Variants in ABCD4 observed in about 807,000 individuals in gnomAD.
The protein encoded by ABCD4 is ATP binding cassette subfamily D member 4.
ABCD4 carries 53 observed loss-of-function variants against 86.3 expected under a neutral mutation model. The observed-to-expected ratio is 0.61, with a 90% confidence interval of 0.49 to 0.77. The LOEUF is 0.77. Ranked by LOEUF, ABCD4 falls within the 30% of genes least tolerant of loss-of-function variation. ABCD4 has a pLI of 0.00. For missense variants in ABCD4, 757 were observed against 764.5 expected, an observed-to-expected ratio of 0.99 and a Z score of 0.12; for synonymous variants, 328 against 313.6, an observed-to-expected ratio of 1.05 and a Z score of -0.49.
In ABCD4 at chr14:74,295,885, C is replaced by A. The variant is rs759821450; in HGVS notation, c.637G>T (p.Val213Leu). The change falls in exon 6 of 19, where the codon GTG (valine) becomes TTG (leucine). Residue 213 changes from valine (V) to leucine (L), a missense_variant. Physicochemically the swap from Val to Leu is conservative, Grantham distance 32 (BLOSUM62 1). Transcript: ENST00000356924. Reference sequence around the variant, plus strand: ...TCTCCCTCCAGCTTCTCCTGATGCACCAGCTTCATCACAATGGGGCCCATC... The same window carrying A: ...TCTCCCTCCAGCTTCTCCTGATGCAACAGCTTCATCACAATGGGGCCCATC... The part of the protein sequence containing the change: ...TLMGPIVMKL[V>L]HQEKLEGDFR... 26 of 1,613,002 alleles carry A rather than the reference C, an allele frequency of 1.6e-5. No individual in the cohort carries two copies. Among genetic ancestry groups the A allele is most frequent in the Non-Finnish European group, 2.1e-5 (25 of 1,179,766 alleles).
chr14:74,289,230 AG>A (rs896263714), intron 14 of ABCD4: 1 of 1,327,948 alleles, frequency 7.5e-7, no homozygotes, highest in Non-Finnish European at 9.6e-7. Context: ...GATCTTCATA[AG>A]GGAAGGGGTG....
At chr14:74,297,757 C>A (rs995526385) in intron 4 of ABCD4, 173 bp downstream of exon 4, 1 of 1,360,022 alleles carries the variant, frequency 7.4e-7, no homozygotes, top group African/African-American at 1.5e-5. Flanking sequence ...ATTCACAGCC[C>A]TGCAGCTTCT....
chr14:74,290,963 G>A (rs1047356252), intron 11 of ABCD4, among the ~76,000 whole-genome samples: 28 of 151,762 alleles, frequency 1.8e-4, no homozygotes, highest in Admixed American at 1.6e-3. Context: ...GTGAGCTTCC[G>A]TGCCCAGCTG....
In ABCD4 at chr14:74,286,453, C is replaced by G; in HGVS notation, c.*8G>C. 2 of 1,614,100 alleles carry G rather than the reference C, an allele frequency of 1.2e-6. No homozygotes were observed. The highest frequency in any genetic ancestry group is 1.7e-6 in the Non-Finnish European group (2 of 1,179,946). On this transcript the variant is annotated 3_prime_UTR_variant, in exon 19 of 19. Coordinates refer to ENST00000356924, the MANE Select transcript of ABCD4 (RefSeq NM_005050.4). ...CACAGTGTGGCTCTCCTTCCAAAAG[C>G]CAGAGCTTCATTCCACTTTGATTCT...
intron 16 of ABCD4, 137 bp downstream of exon 16, chr14:74,288,070 G>T (rs990044629): frequency 1.8e-6 from 2 of 1,105,510 alleles, no homozygotes; most frequent in Non-Finnish European, 2.6e-6. Context: ...GTTCCCAAGG[G>T]CATAAACTTG....
chr14:74,302,599 C>CT, intron 1 of ABCD4, among the ~76,000 whole-genome samples: 1 of 151,484 alleles, frequency 6.6e-6, no homozygotes, highest in South Asian at 2.1e-4. Context: ...TGAGGTTCTT[C>CT]TTTTCAAAAA....
chr14:74,291,250 A>G (rs2139858027), intron 11 of ABCD4, among the ~76,000 whole-genome samples: 2 of 152,290 alleles, frequency 1.3e-5, no homozygotes, highest in Middle Eastern at 6.8e-3. Context: ...GTTTTCTGTC[A>G]TGGCAGCCTG....
At chr14:74,302,546 A>G (rs4148074) in intron 1 of ABCD4, among the ~76,000 whole-genome samples, 45,044 of 152,154 alleles carry the variant, frequency 0.3, 7,243 homozygotes, top group Middle Eastern at 0.56. Flanking sequence ...ATTGGCCCAC[A>G]GGGTGTCAAG....
chr14:74,299,522 G>T, intron 3 of ABCD4, 26 bp downstream of exon 3: 1 of 1,611,926 alleles, frequency 6.2e-7, no homozygotes, highest in Non-Finnish European at 8.5e-7. Flanking sequence ...GAGGACGAGA[G>T]ACACAGAGAG....
At chr14:74,292,453 C>T (rs761231532) in intron 10 of ABCD4, 77 bp from the exon 11 acceptor site, 31 of 1,587,308 alleles carry the variant, frequency 2.0e-5, no homozygotes, top group South Asian at 6.6e-5. Context: ...CTCACACCCA[C>T]GAGTACATGG....
chr14:74,296,407 C>A lies in ABCD4; in HGVS notation c.468G>T (p.Gln156His). 6.2e-7 allele frequency: 1 copy of A among 1,614,168 alleles called. No homozygotes were observed. Among genetic ancestry groups the A allele is most frequent in the African/African-American group, 1.3e-5 (1 of 75,046 alleles). The stretch of plus-strand genomic sequence containing the variant: ...TGAGCTTGCTGGCCATGCTGCTGAG[C>A]TGCCGGCAGAATCGCTCCACGTCCT... ...ISQDVERFCR[Q>H]LSSMASKLII... The change falls in exon 5 of 19, where the codon CAG becomes CAT. Residue 156 changes from glutamine to histidine, a missense_variant. Physicochemically the swap from Gln to His is conservative, Grantham distance 24 (BLOSUM62 0). Transcript: ENST00000356924.
At position 74,302,174 on chromosome 14, in the gene ABCD4, G is replaced by A. The variant is rs139806508; in HGVS notation, c.38+701C>T. On this transcript the variant is annotated intron_variant, in intron 1 of 18. Transcript: ENST00000356924. Reference sequence around the variant, plus strand: ...CAAGGAGACAACTGCCAGAATATTCGTTACAGTGTGGCTTGTGGGGGTGTT... The same window carrying A: ...CAAGGAGACAACTGCCAGAATATTCATTACAGTGTGGCTTGTGGGGGTGTT... 8.1e-3 allele frequency among the ~76,000 whole-genome samples: 1,229 copies of A among 152,196 alleles called. 9 individuals are homozygous for A. Among genetic ancestry groups the A allele is most frequent in the African/African-American group, 0.028 (1,164 of 41,504 alleles).
intron 2 of ABCD4, 138 bp from the exon 3 acceptor site, chr14:74,299,813 G>A (rs942097071): frequency 7.4e-6 from 6 of 808,302 alleles, no homozygotes; most frequent in South Asian, 1.8e-5. Context: ...TGTAATCCCA[G>A]CACTTTGGGA....
intron 7 of ABCD4, chr14:74,294,922 A>G (rs1473275095): frequency 1.7e-6 from 1 of 576,362 alleles, no homozygotes; most frequent in African/African-American, 1.9e-5. Flanking sequence ...CTAGGCCACT[A>G]AGACTAAAGC....
intron 11 of ABCD4, 56 bp from the exon 12 acceptor site, chr14:74,290,555 G>T (rs573097407): frequency 1.4e-5 from 20 of 1,412,748 alleles, no homozygotes; most frequent in Non-Finnish European, 1.7e-5. Flanking sequence ...GTATTGCTGT[G>T]GGGGAGGCAC....
chr14:74,295,111 T>A (rs1224401539), intron 7 of ABCD4, 37 bp downstream of exon 7: 2 of 1,612,394 alleles, frequency 1.2e-6, no homozygotes. Context: ...CTCTCAGCTC[T>A]GGCAAGGCAG....
In ABCD4 at chr14:74,288,296, G is replaced by A. The variant is rs947716499; in HGVS notation, c.1507-37C>T. 5 of 1,585,326 alleles carry A rather than the reference G, an allele frequency of 3.2e-6. No individual in the cohort carries two copies. In the African/African-American group the frequency reaches 6.7e-5, roughly 21 times the overall value. On this transcript the variant is annotated intron_variant, in intron 15 of 18. Transcript: ENST00000356924. ...CCAGAGGGCAGGATGTCCATGAAAT[G>A]GCCAGCCCTGCTACCTGCCATCATG...
At chr14:74,294,169 C>G (rs529294637) in intron 7 of ABCD4, 1 of 152,260 alleles carries the variant, frequency 6.6e-6, no homozygotes, top group East Asian at 1.9e-4. Context: ...TCTCCTGCCT[C>G]AGCCTCCCCA....
Position 74,292,629 on chromosome 14 carries a change from C to A in ABCD4, c.950G>T (p.Cys317Phe). Residue 317 changes from cysteine (C) to phenylalanine (F), a missense_variant, in exon 10 of 19, where the codon TGC becomes TTC. Transcript: ENST00000356924. The stretch of plus-strand genomic sequence containing the variant: ...GGTGAAGCAGCTGATGAGGTAGATG[C>A]ACACAAAGGCATTCTGGACAGGATG... ...STLVSKNAFV[C>F]IYLISCFTQL... The A allele has an allele frequency of 6.2e-7, 1 of 1,613,920 alleles. No homozygotes were observed. Among genetic ancestry groups the A allele is most frequent in the Non-Finnish European group, 8.5e-7 (1 of 1,179,958 alleles).
Sources: gnomAD v4.1 joint callset for allele counts (sites outside exome capture counted in the v4.1 genomes callset) on GRCh38, gnomAD v4.1.1 for gene constraint, MANE v1.5 for transcripts, NCBI Gene and HGNC (gene_info 2026-07-23, HGNC 2026-07-21) for gene names.